The following ST7 variants were observed in gnomAD, a reference collection of about 807,000 sequenced individuals.
The protein encoded by ST7 is suppression of tumorigenicity 7, also known as suppressor of tumorigenicity 7 protein.
ST7 carries 28 observed loss-of-function variants against 78.7 expected under a neutral mutation model. The ratio of observed to expected loss-of-function variants is 0.36; its 90% confidence interval spans 0.26 to 0.49. ST7 has a LOEUF of 0.49. ST7 is among the 20% of genes least tolerant of loss of function. ST7 has a pLI of 0.99. For missense variants in ST7, 418 were observed against 696.0 expected (o/e 0.60, Z 4.49); for synonymous variants, 247 against 249.6 (o/e 0.99, Z 0.10).
Position 116,953,507 on chromosome 7 carries a change from C to G in ST7, c.-34C>G, listed in dbSNP as rs1401659235. On this transcript the variant is annotated 5_prime_UTR_variant, in exon 1 of 16. Transcript: ENST00000323984. ...GCCGGTGAATCATCCCGGCAGACAC[C>G]AAGAGCCGCGGCAGCAGAGAGGAGC... 2 of 1,296,346 alleles carry G rather than the reference C, an allele frequency of 1.5e-6. No individual in the cohort carries two copies. 80.3% of individuals were successfully genotyped at this position (1,296,346 alleles called of 1,614,324 possible). A position where few individuals can be genotyped will look rare whatever the true frequency, so the allele number is the denominator to read the frequency against.
At chr7:117,017,590 C>T (rs1454004700) in intron 1 of ST7, among the ~76,000 whole-genome samples, 1 of 152,054 alleles carries the variant, frequency 6.6e-6, no homozygotes, top group African/African-American at 2.4e-5. Context: ...GTGGTTAAGC[C>T]AAAGATCACT....
intron 12 of ST7, among the ~76,000 whole-genome samples, chr7:117,200,693 G>A (rs1810744370): frequency 1.3e-5 from 2 of 152,180 alleles, no homozygotes; most frequent in South Asian, 4.2e-4. Context: ...ATGGAGGTGA[G>A]GACCTAGCCC....
intron 1 of ST7, among the ~76,000 whole-genome samples, chr7:117,065,879 T>G (rs1462538884): frequency 1.3e-5 from 2 of 152,236 alleles, no homozygotes; most frequent in African/African-American, 4.8e-5. Context: ...TTCTGGCTCC[T>G]GCTTACCTCT....
chr7:117,039,483 A>C (rs1267764915), intron 1 of ST7, among the ~76,000 whole-genome samples: 2 of 151,856 alleles, frequency 1.3e-5, no homozygotes, highest in Non-Finnish European at 2.9e-5. Context: ...CTGAGGTGGG[A>C]GGATCACTTG....
chr7:117,142,522 G>T (rs1421813755), intron 9 of ST7, among the ~76,000 whole-genome samples: 1 of 151,964 alleles, frequency 6.6e-6, no homozygotes, highest in Non-Finnish European at 1.5e-5. Flanking sequence ...AATGTCCCCT[G>T]GGGGGCAAAA....
At chr7:117,172,797 T>C (rs1368399223) in intron 10 of ST7, among the ~76,000 whole-genome samples, 1 of 152,240 alleles carries the variant, frequency 6.6e-6, no homozygotes, top group Non-Finnish European at 1.5e-5. Flanking sequence ...TGCTGACCTA[T>C]ACTCAATCTG....
intron 3 of ST7, among the ~76,000 whole-genome samples, chr7:117,126,683 A>T (rs1272959267): frequency 6.6e-6 from 1 of 151,900 alleles, no homozygotes; most frequent in Non-Finnish European, 1.5e-5. Context: ...TGAAATAAAT[A>T]AGTATGATTG....
chr7:116,954,578 C>A (rs1792343516), intron 1 of ST7: 1 of 152,196 alleles, frequency 6.6e-6, no homozygotes, highest in Non-Finnish European at 1.5e-5. Context: ...TAAAAAAACA[C>A]CCGCAAAGAA....
intron 1 of ST7, among the ~76,000 whole-genome samples, chr7:116,988,014 A>T (rs1391684032): frequency 1.3e-5 from 2 of 152,240 alleles, no homozygotes; most frequent in Non-Finnish European, 2.9e-5. Flanking sequence ...GGCGTGAGCC[A>T]CTGCACCCAG....
At chr7:117,111,507 T>A (rs1421242217) in intron 2 of ST7, among the ~76,000 whole-genome samples, 1 of 152,204 alleles carries the variant, frequency 6.6e-6, no homozygotes. Context: ...AGATATACAA[T>A]GTACTTAAAA....
At chr7:116,973,670 G>C (rs1043228546) in intron 1 of ST7, among the ~76,000 whole-genome samples, 2 of 152,172 alleles carry the variant, frequency 1.3e-5, no homozygotes, top group African/African-American at 4.8e-5. Context: ...TTGTTCCCAT[G>C]TATTTAATGT....
chr7:116,963,393 G>C (rs1792933793), intron 1 of ST7, among the ~76,000 whole-genome samples: 1 of 152,148 alleles, frequency 6.6e-6, no homozygotes, highest in Admixed American at 6.5e-5. Flanking sequence ...AAAACTAGCA[G>C]GCATTCCTAT....
intron 1 of ST7, among the ~76,000 whole-genome samples, chr7:116,996,085 T>G (rs1347702127): frequency 6.6e-6 from 1 of 150,560 alleles, no homozygotes; most frequent in Non-Finnish European, 1.5e-5. Flanking sequence ...ATTCCCCGTT[T>G]TTTTTTTTTT....
chr7:117,005,170 AATCT>A (rs1317334920), intron 1 of ST7, among the ~76,000 whole-genome samples: 1 of 152,214 alleles, frequency 6.6e-6, no homozygotes, highest in Non-Finnish European at 1.5e-5. Flanking sequence ...AGGTCTGTCA[AATCT>A]AATTTTACAG....
intron 9 of ST7, among the ~76,000 whole-genome samples, chr7:117,155,039 C>T (rs541541189): frequency 6.6e-6 from 1 of 152,068 alleles, no homozygotes; most frequent in East Asian, 1.9e-4. Context: ...ATGATAAAGG[C>T]AGTTAAAGAT....
At chr7:116,959,584 C>A (rs1426850021) in intron 1 of ST7, 1 of 186,190 alleles carries the variant, frequency 5.4e-6, no homozygotes, top group Admixed American at 6.2e-5. Flanking sequence ...AGTATGTGCC[C>A]CATCTAAGTT....
intron 1 of ST7, among the ~76,000 whole-genome samples, chr7:117,041,073 G>A (rs9969267): frequency 1.4e-4 from 21 of 152,034 alleles, no homozygotes; most frequent in Admixed American, 1.2e-3. Context: ...GGGGAACAGC[G>A]CTTCAGGGCT....
intron 15 of ST7, among the ~76,000 whole-genome samples, chr7:117,229,446 G>A (rs1379427928): frequency 3.9e-5 from 6 of 152,150 alleles, no homozygotes; most frequent in African/African-American, 1.2e-4. Flanking sequence ...CCTGTTTGAC[G>A]ACACCAGTCA....
intron 10 of ST7, among the ~76,000 whole-genome samples, chr7:117,174,836 A>G (rs917521463): frequency 1.3e-5 from 2 of 152,212 alleles, no homozygotes; most frequent in Non-Finnish European, 2.9e-5. Flanking sequence ...TAAATAACTT[A>G]CAAGACCACA....
Sources: allele counts gnomAD v4.1 joint callset (sites outside exome capture counted in the v4.1 genomes callset), GRCh38; gene constraint gnomAD v4.1.1; transcripts MANE v1.5; gene names NCBI Gene and HGNC (gene_info 2026-07-23, HGNC 2026-07-21).